The following NRXN1 variants were observed in gnomAD, a reference collection of about 807,000 sequenced individuals.
NRXN1 encodes neurexin 1.
NRXN1 carries 39 observed loss-of-function variants against 150.9 expected under a neutral mutation model. The observed-to-expected ratio is 0.26, with a 90% CI of 0.20 to 0.34. The LOEUF (loss-of-function observed/expected upper bound fraction) is 0.34. NRXN1 is among the 10% of genes least tolerant of loss of function. The probability of loss-of-function intolerance (pLI) is 1.00; values close to 1 mark genes in which losing one functional copy is unlikely to be tolerated. For synonymous variants in NRXN1, 924 were observed against 757.0 expected (o/e 1.22, Z -3.62); for missense variants, 1,815 against 1,949.9 (o/e 0.93, Z 1.30).
chr2:49,926,026 G>A (rs1669053157), intron 22 of NRXN1, among the ~76,000 whole-genome samples: 1 of 152,202 alleles, frequency 6.6e-6, no homozygotes. Context: ...GAAAACTTCA[G>A]TAGGACTGAC....
intron 2 of NRXN1, among the ~76,000 whole-genome samples, chr2:50,953,820 CA>C (rs1400295806): frequency 6.6e-6 from 1 of 152,036 alleles, no homozygotes; most frequent in Admixed American, 6.6e-5. Flanking sequence ...CTCGGTCTCC[CA>C]AAGTGTTGAG....
chr2:50,420,726 G>T (rs1297102133), intron 17 of NRXN1, among the ~76,000 whole-genome samples: 2 of 151,928 alleles, frequency 1.3e-5, no homozygotes, highest in Admixed American at 1.3e-4. Context: ...TAATTTCCTT[G>T]TTCATAGACT....
intron 2 of NRXN1, among the ~76,000 whole-genome samples, chr2:51,015,860 TG>T (rs1331162500): frequency 6.6e-6 from 1 of 151,956 alleles, no homozygotes; most frequent in Non-Finnish European, 1.5e-5. Context: ...AGTTACCATT[TG>T]AAAAAAACTA....
chr2:50,332,886 C>T (rs1445187299), intron 17 of NRXN1, among the ~76,000 whole-genome samples: 2 of 152,180 alleles, frequency 1.3e-5, no homozygotes, highest in Admixed American at 1.3e-4. Flanking sequence ...CTGGAATCCT[C>T]ATTTCTTTTC....
intron 5 of NRXN1, among the ~76,000 whole-genome samples, chr2:50,831,523 G>C (rs1671405440): frequency 2.6e-5 from 4 of 152,120 alleles, no homozygotes; most frequent in Non-Finnish European, 5.9e-5. Flanking sequence ...TGAAACTCTG[G>C]TGTTATTCTT....
rs3046682 is a variant in NRXN1, at chr2:50,107,257, TAAAAA to T, written c.3547-15768_3547-15764del. Among the ~76,000 whole-genome samples, 586 of 143,770 alleles carry T rather than the reference TAAAAA, an allele frequency of 4.1e-3. 2 individuals carry two copies. Among genetic ancestry groups the T allele is most frequent in the African/African-American group, 4.6e-3 (182 of 39,514 alleles). 94.3% of individuals were successfully genotyped at this position (143,770 alleles called of 152,430 possible). A position where few individuals can be genotyped will look rare whatever the true frequency, so the allele number is the denominator to read the frequency against. On this transcript the variant is annotated intron_variant, in intron 18 of 22. Transcript: ENST00000401669. ...AGGACATGCATTACTTCTGATACAT[TAAAAA>T]AAAAAAAAAAAAGACCCTTTTCATG...
At chr2:50,255,039 C>T (rs2067560026) in intron 17 of NRXN1, among the ~76,000 whole-genome samples, 1 of 152,034 alleles carries the variant, frequency 6.6e-6, no homozygotes, top group East Asian at 1.9e-4. Flanking sequence ...AATTCCTGGG[C>T]TCAAGCGATC....
At chr2:50,196,332 A>G (rs1178876632) in intron 18 of NRXN1, among the ~76,000 whole-genome samples, 1 of 152,172 alleles carries the variant, frequency 6.6e-6, no homozygotes, top group African/African-American at 2.4e-5. Flanking sequence ...TCTATCATAC[A>G]AAAACACTGT....
At chr2:50,698,859 C>T (rs1335241624) in intron 5 of NRXN1, among the ~76,000 whole-genome samples, 1 of 152,188 alleles carries the variant, frequency 6.6e-6, no homozygotes, top group Non-Finnish European at 1.5e-5. Flanking sequence ...CTCTCTTTCT[C>T]ATTTCTCCAT....
intron 17 of NRXN1, among the ~76,000 whole-genome samples, chr2:50,320,452 G>A (rs950740874): frequency 9.3e-5 from 14 of 151,024 alleles, no homozygotes; most frequent in African/African-American, 3.4e-4. Context: ...TACATTTAAA[G>A]AGAATTAAAA....
At chr2:50,329,659 ATATATATATATATATTTT>A (rs1205824545) in intron 17 of NRXN1, among the ~76,000 whole-genome samples, 615 of 22,124 alleles carry the variant, frequency 0.028, 49 homozygotes, top group African/African-American at 0.099. Flanking sequence ...ATATATATAT[ATATATATATATATATTTT>A]TTTTTTTCCC....
At chr2:50,290,584 C>A (rs147077674) in intron 17 of NRXN1, among the ~76,000 whole-genome samples, 54 of 152,214 alleles carry the variant, frequency 3.5e-4, no homozygotes, top group African/African-American at 1.3e-3. Flanking sequence ...TAGTTTCCTA[C>A]GTTCTCTAGC....
chr2:50,608,411 A>C (rs1245419130), intron 8 of NRXN1, among the ~76,000 whole-genome samples: 2 of 152,126 alleles, frequency 1.3e-5, no homozygotes, highest in African/African-American at 4.8e-5. Context: ...ACAAGCTCTT[A>C]GGTGATGCAC....
At chr2:50,861,381 G>A (rs904422395) in intron 5 of NRXN1, among the ~76,000 whole-genome samples, 4 of 152,036 alleles carry the variant, frequency 2.6e-5, no homozygotes, top group East Asian at 3.9e-4. Flanking sequence ...CCCAGCTGCC[G>A]TACTTTATTT....
intron 5 of NRXN1, among the ~76,000 whole-genome samples, chr2:50,806,035 G>A (rs1178263327): frequency 6.6e-6 from 1 of 152,016 alleles, no homozygotes; most frequent in Non-Finnish European, 1.5e-5. Flanking sequence ...TCCATTGATA[G>A]GCAATACACA....
chr2:51,009,833 G>A (rs541310113), intron 2 of NRXN1, among the ~76,000 whole-genome samples: 1 of 151,820 alleles, frequency 6.6e-6, no homozygotes, highest in South Asian at 2.1e-4. Context: ...GAGGAGAAAC[G>A]TTACATCTGG....
chr2:50,769,500 G>C (rs1702757607), intron 5 of NRXN1, among the ~76,000 whole-genome samples: 1 of 152,102 alleles, frequency 6.6e-6, no homozygotes. Context: ...AGGTTTAAAA[G>C]AGATGGGAGC....
At chr2:50,959,830 A>G (rs1692858165) in intron 2 of NRXN1, among the ~76,000 whole-genome samples, 1 of 152,092 alleles carries the variant, frequency 6.6e-6, no homozygotes. Context: ...AATTAAAACT[A>G]GAAATAACAT....
At chr2:50,615,527 G>C (rs1389940081) in intron 8 of NRXN1, 1 of 152,174 alleles carries the variant, frequency 6.6e-6, no homozygotes, top group Admixed American at 6.5e-5. Flanking sequence ...AACAGGTTCT[G>C]AGGGGGAGAT....
Sources: allele counts gnomAD v4.1 joint callset (sites outside exome capture counted in the v4.1 genomes callset), GRCh38; gene constraint gnomAD v4.1.1; transcripts MANE v1.5; gene names NCBI Gene and HGNC (gene_info 2026-07-23, HGNC 2026-07-21).